Variants in DLG2 observed in about 807,000 individuals in gnomAD.
DLG2 encodes the protein disks large homolog 2.
Under a neutral mutation model 132.5 loss-of-function variants are expected in DLG2, and 45 were observed. The ratio of observed to expected loss-of-function variants is 0.34; its 90% CI spans 0.27 to 0.44. The LOEUF (loss-of-function observed/expected upper bound fraction) is 0.44. Among genes scored for constraint, DLG2 ranks in the 20% least tolerant of loss-of-function variants. DLG2 has a pLI of 1.00. For missense variants in DLG2, 1,045 were observed against 1,196.9 expected, an observed-to-expected ratio of 0.87 and a Z score of 1.87; for synonymous variants, 424 against 419.6, an observed-to-expected ratio of 1.01 and a Z score of -0.13.
At chr11:84,258,175 T>C (rs1031377826) in intron 7 of DLG2, among the ~76,000 whole-genome samples, 2 of 152,190 alleles carry the variant, frequency 1.3e-5, no homozygotes, top group Non-Finnish European at 2.9e-5. Context: ...GGCCCCAGCA[T>C]ACCCAGGCTG....
chr11:84,356,452 A>G (rs2098612285), intron 7 of DLG2, among the ~76,000 whole-genome samples: 1 of 152,110 alleles, frequency 6.6e-6, no homozygotes, highest in Admixed American at 6.6e-5. Flanking sequence ...TGTTAAGAGC[A>G]TGGCATTTGG....
chr11:83,532,026 T>A (rs2095761310), intron 21 of DLG2, among the ~76,000 whole-genome samples: 1 of 152,050 alleles, frequency 6.6e-6, no homozygotes. Context: ...TGTCAATGCA[T>A]ATAGGGTTTC....
chr11:84,311,802 A>G (rs938857564), intron 7 of DLG2, among the ~76,000 whole-genome samples: 3 of 152,210 alleles, frequency 2.0e-5, no homozygotes, highest in African/African-American at 7.2e-5. Context: ...CTTCTCTCAC[A>G]GGGCTCAATG....
At chr11:85,388,440 T>C (rs978839696) in intron 3 of DLG2, among the ~76,000 whole-genome samples, 1 of 152,098 alleles carries the variant, frequency 6.6e-6, no homozygotes, top group African/African-American at 2.4e-5. Context: ...GAAACCTGAA[T>C]ACTTATCCAA....
At chr11:83,507,871 G>A (rs1400512373) in intron 21 of DLG2, among the ~76,000 whole-genome samples, 1 of 148,250 alleles carries the variant, frequency 6.7e-6, no homozygotes, top group African/African-American at 2.5e-5. Flanking sequence ...GCAAGCTGAG[G>A]AGGAAAGACA....
intron 19 of DLG2, among the ~76,000 whole-genome samples, chr11:83,572,633 T>C (rs1398742254): frequency 6.6e-6 from 1 of 152,180 alleles, no homozygotes; most frequent in Non-Finnish European, 1.5e-5. Context: ...AGAAGGTCTA[T>C]GGAAAACTCT....
intron 8 of DLG2, among the ~76,000 whole-genome samples, chr11:84,182,358 C>T (rs536721278): frequency 6.0e-4 from 90 of 150,558 alleles, no homozygotes; most frequent in African/African-American, 2.1e-3. Context: ...ATAGGGAGAC[C>T]CCAACTCCTA....
intron 23 of DLG2, 115 bp from the exon 24 acceptor site, chr11:83,471,842 C>G (rs2092071330): frequency 5.1e-6 from 4 of 784,442 alleles, no homozygotes; most frequent in Middle Eastern, 2.4e-4. Flanking sequence ...AAGGGCATTA[C>G]TTCACTGGAT....
rs145238512 is a variant in DLG2, at chr11:83,530,381, C to T, written c.2193+2327G>A. ...AAATAGAAAGGGCAGTGCTATGATT[C>T]GGGCCTCAAAATCCCTGAGAAATTA... is the stretch of plus-strand genomic sequence containing the variant. On this transcript the variant is annotated intron_variant, in intron 21 of 27. Transcript: ENST00000376104. Among the ~76,000 whole-genome samples the T allele has an allele frequency of 1.8e-3, 276 of 151,624 alleles. 1 individual carries two copies. Among genetic ancestry groups the T allele is most frequent in the Middle Eastern group, 0.014 (4 of 292 alleles).
chr11:84,766,807 C>G (rs949479515), intron 6 of DLG2, among the ~76,000 whole-genome samples: 1 of 151,998 alleles, frequency 6.6e-6, no homozygotes, highest in African/African-American at 2.4e-5. Context: ...TATAGTCTTG[C>G]TTATAGTCAA....
intron 6 of DLG2, among the ~76,000 whole-genome samples, chr11:84,585,260 T>C (rs1046190714): frequency 2.0e-5 from 3 of 152,184 alleles, no homozygotes; most frequent in African/African-American, 4.8e-5. Flanking sequence ...GTAGGTACTA[T>C]TAGGATTACT....
intron 6 of DLG2, among the ~76,000 whole-genome samples, chr11:84,571,297 C>T (rs1003022325): frequency 6.6e-6 from 1 of 151,112 alleles, no homozygotes; most frequent in Non-Finnish European, 1.5e-5. Flanking sequence ...TCTTCATTTC[C>T]ATCTCTTTCT....
At chr11:84,211,267 G>T (rs1395187186) in intron 8 of DLG2, among the ~76,000 whole-genome samples, 1 of 152,020 alleles carries the variant, frequency 6.6e-6, no homozygotes, top group East Asian at 1.9e-4. Flanking sequence ...TCCTATTATT[G>T]CAGAGATGAA....
intron 24 of DLG2, among the ~76,000 whole-genome samples, chr11:83,471,224 C>T (rs567132271): frequency 3.3e-5 from 5 of 152,124 alleles, no homozygotes; most frequent in African/African-American, 1.2e-4. Flanking sequence ...CCTAAGTCAT[C>T]CTGAGAGGAT....
intron 19 of DLG2, among the ~76,000 whole-genome samples, chr11:83,594,564 T>C (rs1468945205): frequency 6.6e-6 from 1 of 152,164 alleles, no homozygotes; most frequent in Non-Finnish European, 1.5e-5. Context: ...TGTCGTACAT[T>C]GAAGCAATCA....
intron 6 of DLG2, among the ~76,000 whole-genome samples, chr11:84,916,996 A>AT (rs1352293340): frequency 6.6e-6 from 1 of 152,202 alleles, no homozygotes; most frequent in African/African-American, 2.4e-5. Context: ...AAACCAACCC[A>AT]TCCCCCAATG....
intron 17 of DLG2, among the ~76,000 whole-genome samples, chr11:83,795,694 C>T (rs1158559506): frequency 6.6e-6 from 1 of 151,870 alleles, no homozygotes; most frequent in Non-Finnish European, 1.5e-5. Context: ...GCTACTTCTC[C>T]CACTAGGGGC....
chr11:85,471,172 ACCATATTGTT>A (rs1282760109), intron 3 of DLG2, among the ~76,000 whole-genome samples: 1 of 152,206 alleles, frequency 6.6e-6, no homozygotes, highest in Middle Eastern at 3.2e-3. Context: ...TTAGACTCTC[ACCATATTGTT>A]CCAGAGGATG....
At chr11:84,805,296 T>C (rs1043263665) in intron 6 of DLG2, among the ~76,000 whole-genome samples, 3 of 152,088 alleles carry the variant, frequency 2.0e-5, no homozygotes, top group African/African-American at 7.2e-5. Flanking sequence ...GATAAGGCAG[T>C]ATCCACTCCT....
Sources: allele counts gnomAD v4.1 joint callset (sites outside exome capture counted in the v4.1 genomes callset), GRCh38; gene constraint gnomAD v4.1.1; transcripts MANE v1.5; gene names NCBI Gene and HGNC (gene_info 2026-07-23, HGNC 2026-07-21).